The following RAB3GAP1 variants were observed in gnomAD, a reference collection of about 807,000 sequenced individuals.
RAB3GAP1 encodes the protein rab3 GTPase-activating protein catalytic subunit.
A neutral mutation model predicts 130.7 loss-of-function variants in RAB3GAP1; 86 were observed. That is an observed-to-expected ratio of 0.66 (90% confidence interval 0.55 to 0.79). RAB3GAP1 has a LOEUF of 0.79. Ranked by LOEUF, RAB3GAP1 falls within the 30% of genes least tolerant of loss-of-function variation. The pLI is 0.00. For missense variants in RAB3GAP1, 1,029 were observed against 1,169.4 expected (o/e 0.88, Z 1.75); for synonymous variants, 367 against 401.7 (o/e 0.91, Z 1.03).
rs1690210033 is a variant in RAB3GAP1 at position 135,093,643 on chromosome 2, G to A, written c.312G>A (p.Leu104=). Residue 104 remains leucine, a synonymous_variant, in exon 5 of 24, where the codon TTG becomes TTA. Transcript: ENST00000264158. ...TTGTTCCACAATCTATGCAAGATTT[G>A]CTGGGTATGAATAATGACTTTCCTC... is the stretch of plus-strand genomic sequence containing the variant. ...EDVVPQSMQD[L]LGMNNDFPPR... 6.2e-7 allele frequency: 1 copy of A among 1,613,624 alleles called. No homozygotes were observed.
intron 5 of RAB3GAP1, among the ~76,000 whole-genome samples, chr2:135,111,485 AT>A (rs986238011): frequency 3.3e-5 from 5 of 152,142 alleles, no homozygotes; most frequent in East Asian, 1.9e-4. Flanking sequence ...CTTTATGATA[AT>A]TTTTTAACCC....
rs1573585282 is a variant in RAB3GAP1 at position 135,136,057 on chromosome 2, GGCTTAC to G, written c.1923+128_1923+133del. 2.3e-6 allele frequency: 3 copies of G among 1,305,348 alleles called. No individual in the cohort carries two copies. The East Asian group carries it at 7.1e-5, about 31-fold the overall frequency. 80.9% of individuals were successfully genotyped at this position (1,305,348 alleles called of 1,614,324 possible). On this transcript the variant is annotated intron_variant, in intron 17 of 23. Coordinates refer to ENST00000264158, the MANE Select transcript of RAB3GAP1 (RefSeq NM_012233.3). ...AGTCTATGTTTAGGCCAGATGCGGT[GGCTTAC>G]GCCTGTAATCCCAGCACTTTGGGAG...
intron 3 of RAB3GAP1, among the ~76,000 whole-genome samples, chr2:135,081,862 T>C (rs1039031647): frequency 2.0e-5 from 3 of 152,232 alleles, no homozygotes; most frequent in African/African-American, 7.2e-5. Flanking sequence ...TTAATTGGGC[T>C]GGGTGCAGTG....
At chr2:135,114,706 A>G (rs904287549) in intron 6 of RAB3GAP1, among the ~76,000 whole-genome samples, 2 of 152,368 alleles carry the variant, frequency 1.3e-5, no homozygotes, top group Admixed American at 6.5e-5. Flanking sequence ...ACTTGTAGCC[A>G]AAAGCAATGT....
At chr2:135,089,745 C>T (rs1028611929) in intron 3 of RAB3GAP1, 18 of 258,774 alleles carry the variant, frequency 7.0e-5, no homozygotes, top group African/African-American at 3.9e-4. Context: ...CCATGGAATA[C>T]TATGCAGCCA....
Position 135,169,139 on chromosome 2 carries a change from G to A in RAB3GAP1, c.*358G>A. On this transcript the variant is annotated 3_prime_UTR_variant, in exon 24 of 24. Transcript: ENST00000264158. ...CCTCTAGGCTAGCGGCTGCATTCGT[G>A]GTCTGTGCAAACACTTCGTGGTTCT... 1 of 375,842 alleles carries A rather than the reference G, an allele frequency of 2.7e-6. No homozygotes were observed. The highest frequency in any genetic ancestry group is 5.1e-6 in the Non-Finnish European group (1 of 195,402). The allele number at this position is 375,842 out of a possible 1,614,324, so 23.3% of individuals were successfully genotyped here.
At chr2:135,126,768 A>G (rs1417630002) in intron 11 of RAB3GAP1, 112 bp downstream of exon 11, 4 of 939,388 alleles carry the variant, frequency 4.3e-6, no homozygotes, top group Non-Finnish European at 5.2e-6. Context: ...AACACCATGT[A>G]GGAAAAAAAT....
rs1435669812 is a variant in RAB3GAP1, at chr2:135,056,188, ATTTCTT to A, written c.75-1808_75-1803del. ...AAACTTTTTTGGATCAAATATTAAT[ATTTCTT>A]TTTCTTTTTCTTTTCTTTTTTATTT... On this transcript the variant is annotated intron_variant, in intron 2 of 23. Coordinates refer to ENST00000264158, the MANE Select transcript of RAB3GAP1 (RefSeq NM_012233.3). 2.7e-5 allele frequency among the ~76,000 whole-genome samples: 4 copies of A among 147,094 alleles called. No homozygotes were observed. In the South Asian group the frequency reaches 6.5e-4, roughly 24 times the overall value.
intron 5 of RAB3GAP1, among the ~76,000 whole-genome samples, chr2:135,098,471 C>T (rs1690361881): frequency 6.6e-6 from 1 of 152,008 alleles, no homozygotes; most frequent in African/African-American, 2.4e-5. Context: ...GCTTTTGGTG[C>T]CATGTCTGAG....
chr2:135,163,191 T>C, intron 22 of RAB3GAP1, 90 bp downstream of exon 22: 2 of 849,958 alleles, frequency 2.4e-6, no homozygotes, highest in Non-Finnish European at 4.1e-6. Flanking sequence ...TTAAGACTCT[T>C]TTGTGGTAAT....
intron 3 of RAB3GAP1, among the ~76,000 whole-genome samples, chr2:135,075,176 T>C (rs1171560121): frequency 6.6e-6 from 1 of 152,256 alleles, no homozygotes; most frequent in Non-Finnish European, 1.5e-5. Flanking sequence ...CCTAGAAGGC[T>C]GTCCTGTGGA....
At chr2:135,057,338 G>A (rs1410891633) in intron 2 of RAB3GAP1, among the ~76,000 whole-genome samples, 2 of 152,264 alleles carry the variant, frequency 1.3e-5, no homozygotes, top group African/African-American at 2.4e-5. Flanking sequence ...ATATTTAAAG[G>A]AAAAGTTTAT....
chr2:135,162,922 G>A (rs150234313), intron 21 of RAB3GAP1, 64 bp from the exon 22 acceptor site: 91 of 1,572,230 alleles, frequency 5.8e-5, no homozygotes, highest in Middle Eastern at 3.3e-4. Context: ...TTTAAGATGC[G>A]TTTTCAAAGG....
At chr2:135,098,713 G>A (rs1378075933) in intron 5 of RAB3GAP1, among the ~76,000 whole-genome samples, 1 of 152,100 alleles carries the variant, frequency 6.6e-6, no homozygotes, top group Non-Finnish European at 1.5e-5. Flanking sequence ...TCTTTCAGCA[G>A]TGTCTTACAG....
intron 2 of RAB3GAP1, among the ~76,000 whole-genome samples, chr2:135,055,658 A>T (rs1688987414): frequency 6.6e-6 from 1 of 150,546 alleles, no homozygotes; most frequent in Non-Finnish European, 1.5e-5. Context: ...AGCCTGGGTG[A>T]CAGAGTTGAG....
At chr2:135,161,833 A>G (rs1216431497) in intron 19 of RAB3GAP1, among the ~76,000 whole-genome samples, 2 of 152,086 alleles carry the variant, frequency 1.3e-5, no homozygotes, top group African/African-American at 4.8e-5. Context: ...AAACACGAAA[A>G]TGTGGTTTTG....
intron 19 of RAB3GAP1, among the ~76,000 whole-genome samples, chr2:135,161,529 G>C (rs1408653424): frequency 6.6e-6 from 1 of 152,144 alleles, no homozygotes; most frequent in Non-Finnish European, 1.5e-5. Flanking sequence ...AGAATGATTT[G>C]TAGTTAATTC....
chr2:135,130,454 G>T lies in RAB3GAP1; in HGVS notation c.1067-98G>T, dbSNP rs1691499624. ...CAAGACCATGTAACACTAGTAAAAA[G>T]AATGAGTAAAATATTCTATATAATC... On this transcript the variant is annotated intron_variant, in intron 12 of 23. Coordinates refer to ENST00000264158, the MANE Select transcript of RAB3GAP1 (RefSeq NM_012233.3). 7.7e-6 allele frequency: 8 copies of T among 1,033,734 alleles called. No individual in the cohort carries two copies. In the Admixed American group the frequency reaches 1.1e-4, roughly 15 times the overall value. 64.0% of individuals were successfully genotyped at this position (1,033,734 alleles called of 1,614,324 possible). A position where few individuals can be genotyped will look rare whatever the true frequency, so the allele number is the denominator to read the frequency against.
At chr2:135,101,304 T>G (rs1171751994) in intron 5 of RAB3GAP1, among the ~76,000 whole-genome samples, 1 of 152,158 alleles carries the variant, frequency 6.6e-6, no homozygotes, top group East Asian at 1.9e-4. Flanking sequence ...TACACAGAAG[T>G]TTTCACCTAA....
Sources: allele counts gnomAD v4.1 joint callset (sites outside exome capture counted in the v4.1 genomes callset), GRCh38; gene constraint gnomAD v4.1.1; transcripts MANE v1.5; gene names NCBI Gene and HGNC (gene_info 2026-07-23, HGNC 2026-07-21).